The following ADGRB3 variants were observed in gnomAD, a reference collection of about 807,000 sequenced individuals.
ADGRB3 encodes the protein adhesion G protein-coupled receptor B3, also known as brain-specific angiogenesis inhibitor 3.
Under a neutral mutation model 193.4 loss-of-function variants are expected in ADGRB3, and 37 were observed. The ratio of observed to expected loss-of-function variants is 0.19; its 90% CI spans 0.15 to 0.25. ADGRB3 has a LOEUF of 0.25. ADGRB3 is among the 10% of genes least tolerant of loss of function. The pLI is 1.00. For missense variants in ADGRB3, 1,637 were observed against 1,852.9 expected, an observed-to-expected ratio of 0.88 and a Z score of 2.14; for synonymous variants, 690 against 644.2, an observed-to-expected ratio of 1.07 and a Z score of -1.08.
At chr6:69,158,903 TAA>T in intron 17 of ADGRB3, among the ~76,000 whole-genome samples, 1 of 152,260 alleles carries the variant, frequency 6.6e-6, no homozygotes, top group South Asian at 2.1e-4. Flanking sequence ...AGGATCTGAA[TAA>T]GTCAGAATCA....
intron 3 of ADGRB3, among the ~76,000 whole-genome samples, chr6:68,772,874 CAAACAAACA>C (rs1766648273): frequency 3.2e-4 from 4 of 12,540 alleles, no homozygotes; most frequent in African/African-American, 6.8e-4. Flanking sequence ...AACAAACAAA[CAAACAAACA>C]AAAAAAAAAA....
chr6:68,816,651 C>G (rs1379661820), intron 3 of ADGRB3, among the ~76,000 whole-genome samples: 3 of 151,928 alleles, frequency 2.0e-5, no homozygotes, highest in Non-Finnish European at 4.4e-5. Flanking sequence ...GGCTCCCAAG[C>G]TACCTTTTCT....
intron 3 of ADGRB3, among the ~76,000 whole-genome samples, chr6:68,754,110 G>A (rs1675571350): frequency 6.6e-6 from 1 of 152,118 alleles, no homozygotes; most frequent in South Asian, 2.1e-4. Flanking sequence ...TAGCAAGCAA[G>A]ATTAACTTTT....
chr6:69,026,644 A>G (rs928091756), intron 13 of ADGRB3, among the ~76,000 whole-genome samples: 1 of 152,206 alleles, frequency 6.6e-6, no homozygotes, highest in African/African-American at 2.4e-5. Flanking sequence ...TTTTGCGAAC[A>G]TCATAGAATG....
chr6:69,265,021 G>A (rs952721188), intron 20 of ADGRB3, among the ~76,000 whole-genome samples: 6 of 151,708 alleles, frequency 4.0e-5, no homozygotes, highest in South Asian at 4.1e-4. Flanking sequence ...ACACACATAC[G>A]TGCAAATTCT....
chr6:68,716,914 A>C (rs184432310), intron 3 of ADGRB3, among the ~76,000 whole-genome samples: 46 of 151,718 alleles, frequency 3.0e-4, no homozygotes, highest in Admixed American at 8.6e-4. Context: ...TAAGATTCAA[A>C]TATTTTTTCT....
In ADGRB3 at chr6:69,241,569, T is replaced by A. The variant is rs532031888; in HGVS notation, c.2814+2343T>A. ...TACATTCTGTCTGCCCAGTTTGACC[T>A]TCACAGGTTTTCAATGTCCTCTTTG... On this transcript the variant is annotated intron_variant, in intron 20 of 31. Coordinates refer to ENST00000370598, the MANE Select transcript of ADGRB3 (RefSeq NM_001704.3). 2.0e-4 allele frequency among the ~76,000 whole-genome samples: 30 copies of A among 152,122 alleles called. 1 individual carries two copies. Among genetic ancestry groups the A allele is most frequent in the Admixed American group, 1.9e-3 (29 of 15,244 alleles).
At chr6:69,375,064 T>A (rs1462501895) in intron 30 of ADGRB3, among the ~76,000 whole-genome samples, 1 of 152,134 alleles carries the variant, frequency 6.6e-6, no homozygotes, top group African/African-American at 2.4e-5. Flanking sequence ...AGTCAAAATT[T>A]ACCTAAACAG....
At position 69,388,919 on chromosome 6, in the gene ADGRB3, C is replaced by G. The variant is rs572392853; in HGVS notation, c.*28C>G. Reference sequence around the variant, plus strand: ...AAATCAAAATGGACTAAGGTAGAGACAAAACTTTATTGCACTGACACTTAA... The same window carrying G: ...AAATCAAAATGGACTAAGGTAGAGAGAAAACTTTATTGCACTGACACTTAA... On this transcript the variant is annotated 3_prime_UTR_variant, in exon 32 of 32. Transcript: ENST00000370598. 4 of 1,594,208 alleles carry G rather than the reference C, an allele frequency of 2.5e-6. No individual in the cohort carries two copies. The African/African-American group carries it at 4.0e-5, about 16-fold the overall frequency.
chr6:69,374,024 A>G (rs1328684604), intron 30 of ADGRB3, among the ~76,000 whole-genome samples: 2 of 152,042 alleles, frequency 1.3e-5, no homozygotes, highest in African/African-American at 2.4e-5. Context: ...TCCACCCATA[A>G]AACCATGTTG....
At chr6:69,158,638 AT>A (rs1234720478) in intron 17 of ADGRB3, among the ~76,000 whole-genome samples, 1 of 152,116 alleles carries the variant, frequency 6.6e-6, no homozygotes, top group Non-Finnish European at 1.5e-5. Context: ...AATACTACTC[AT>A]TACAGGATAT....
At chr6:68,868,014 A>G (rs947651591) in intron 3 of ADGRB3, among the ~76,000 whole-genome samples, 3 of 152,212 alleles carry the variant, frequency 2.0e-5, no homozygotes, top group Non-Finnish European at 4.4e-5. Context: ...AGGATGAGTT[A>G]AGACTATAAG....
chr6:69,093,982 G>T (rs547952918), intron 17 of ADGRB3, among the ~76,000 whole-genome samples: 1 of 152,316 alleles, frequency 6.6e-6, no homozygotes, highest in African/African-American at 2.4e-5. Flanking sequence ...CCTTAAGGTA[G>T]TGATGGGGAA....
intron 20 of ADGRB3, among the ~76,000 whole-genome samples, chr6:69,258,934 A>C (rs1287407705): frequency 1.3e-5 from 2 of 152,184 alleles, no homozygotes; most frequent in African/African-American, 4.8e-5. Flanking sequence ...AAAAAACAGA[A>C]AGCTAGATAA....
At chr6:68,918,030 A>G (rs1766930154) in intron 3 of ADGRB3, among the ~76,000 whole-genome samples, 1 of 152,214 alleles carries the variant, frequency 6.6e-6, no homozygotes, top group Non-Finnish European at 1.5e-5. Flanking sequence ...ATAATAATCT[A>G]CAGAATATAC....
chr6:69,070,240 T>C (rs934909731), intron 16 of ADGRB3, among the ~76,000 whole-genome samples: 3 of 152,164 alleles, frequency 2.0e-5, no homozygotes, highest in Non-Finnish European at 4.4e-5. Flanking sequence ...AGTTTGAAGA[T>C]TAGTAGTTTA....
chr6:68,950,098 C>G (rs183289696), intron 6 of ADGRB3, among the ~76,000 whole-genome samples: 1 of 152,158 alleles, frequency 6.6e-6, no homozygotes, highest in Admixed American at 6.6e-5. Flanking sequence ...CTCTGTTACC[C>G]AGGCTGGAGT....
intron 3 of ADGRB3, among the ~76,000 whole-genome samples, chr6:68,660,380 G>A (rs1002380040): frequency 1.3e-5 from 2 of 149,540 alleles, no homozygotes; most frequent in African/African-American, 2.4e-5. Flanking sequence ...TCAATGGAAG[G>A]TGTTAAATGA....
chr6:69,257,404 A>G (rs1766803711), intron 20 of ADGRB3, among the ~76,000 whole-genome samples: 1 of 152,196 alleles, frequency 6.6e-6, no homozygotes, highest in African/African-American at 2.4e-5. Flanking sequence ...CTATTCAGAG[A>G]TTCAACTTCT....
Sources: allele counts gnomAD v4.1 joint callset (sites outside exome capture counted in the v4.1 genomes callset), GRCh38; gene constraint gnomAD v4.1.1; transcripts MANE v1.5; gene names NCBI Gene and HGNC (gene_info 2026-07-23, HGNC 2026-07-21).